ZNF232: variants seen among roughly 807,000 people sequenced by gnomAD.
ZNF232 encodes zinc finger protein 232.
In ZNF232, 25 loss-of-function variants were observed where a neutral mutation model predicts 25.2. The ratio of observed to expected loss-of-function variants is 0.99; its 90% CI spans 0.72 to 1.39. The LOEUF (loss-of-function observed/expected upper bound fraction) is 1.39. Ranked by LOEUF, ZNF232 falls within the 40% of genes most tolerant of loss-of-function variation. The probability of loss-of-function intolerance (pLI) is 0.00; values close to 1 mark genes in which losing one functional copy is unlikely to be tolerated. For missense variants in ZNF232, 519 were observed against 520.9 expected (o/e 1.00, Z 0.04); for synonymous variants, 193 against 182.9 (o/e 1.06, Z -0.45).
upstream of ZNF232, chr17:5,112,039 G>T: frequency 1.5e-6 from 1 of 679,366 alleles, no homozygotes; most frequent in Non-Finnish European, 2.4e-6. Flanking sequence ...CGCGCCGCCT[G>T]CACGACTGGA....
At chr17:5,112,446 A>G (rs1488974746), upstream of ZNF232, 2 of 151,598 alleles carry the variant, frequency 1.3e-5, no homozygotes, top group East Asian at 2.0e-4. Context: ...TGTTGTTGTT[A>G]TTTTTTATTT....
chr17:5,110,298 G>T lies in ZNF232; in HGVS notation c.24-430C>A, dbSNP rs142333178. On this transcript the variant is annotated intron_variant, in intron 1 of 3. Transcript: ENST00000575898. ...CCGCTTTTTCTTCCACCCCTCCCCA[G>T]AATTCTGCTGCACTAAGTCAATGTT... Among the ~76,000 whole-genome samples the T allele has an allele frequency of 2.2e-3, 331 of 152,214 alleles. 1 individual carries two copies. Among genetic ancestry groups the T allele is most frequent in the African/African-American group, 7.3e-3 (304 of 41,510 alleles).
At chr17:5,114,201 A>G (rs1306484702), upstream of ZNF232, 1 of 152,154 alleles carries the variant, frequency 6.6e-6, no homozygotes, top group Non-Finnish European at 1.5e-5. Context: ...ATTAGACCTG[A>G]GCTCTGATTG....
upstream of ZNF232, chr17:5,116,759 T>A (rs1264398169): frequency 6.6e-6 from 1 of 152,258 alleles, no homozygotes; most frequent in Non-Finnish European, 1.5e-5. Context: ...TTGGGCAAAT[T>A]TGCCTTTCTA....
At chr17:5,108,725 T>C (rs2072321479) in intron 3 of ZNF232, 2 of 692,192 alleles carry the variant, frequency 2.9e-6, no homozygotes, top group Admixed American at 6.3e-5. Flanking sequence ...AGAGCTATCT[T>C]ATGAGGTAGT....
chr17:5,119,883 C>T (rs755750919), intron 1 of ZNF232, among the ~76,000 whole-genome samples: 63 of 152,254 alleles, frequency 4.1e-4, no homozygotes, highest in Middle Eastern at 3.4e-3. Flanking sequence ...GATTTATCTA[C>T]GGCTGCACAG....
chr17:5,106,734 C>G (rs2072269780), intron 3 of ZNF232, among the ~76,000 whole-genome samples: 1 of 152,010 alleles, frequency 6.6e-6, no homozygotes, highest in Non-Finnish European at 1.5e-5. Context: ...TTTTTTTCCC[C>G]TAATTTCTCC....
In ZNF232 at chr17:5,109,619, A is replaced by G. The variant is rs150864883; in HGVS notation, c.273T>C (p.Pro91=). ...GTTGGCTCAAGGCCTCCCGGGGACC[A>G]GGAGTCTCCTGGTAGCGGAGATGCC... The change falls in exon 2 of 4, where the codon CCT becomes CCC. Residue 91 remains proline, a synonymous_variant. Transcript: ENST00000575898. 1.5e-3 allele frequency: 2,359 copies of G among 1,614,242 alleles called. 9 individuals are homozygous for G. The highest frequency in any genetic ancestry group is 2.4e-3 in the South Asian group (223 of 91,088).
At chr17:5,116,731 C>G (rs1420371804), upstream of ZNF232, 3 of 152,280 alleles carry the variant, frequency 2.0e-5, no homozygotes, top group Non-Finnish European at 4.4e-5. Flanking sequence ...CGTTTCTTCA[C>G]TTACTAGTTG....
At chr17:5,120,877 T>C (rs963244647) in intron 1 of ZNF232, 2 of 454,470 alleles carry the variant, frequency 4.4e-6, no homozygotes, top group African/African-American at 4.0e-5. Flanking sequence ...ATCCACAGGC[T>C]GTCCCAGTTG....
intron 1 of ZNF232, among the ~76,000 whole-genome samples, chr17:5,110,524 A>C (rs949424269): frequency 1.3e-5 from 2 of 152,244 alleles, no homozygotes; most frequent in African/African-American, 4.8e-5. Context: ...AGCAGCTTTC[A>C]GTGCAAGGTG....
chr17:5,115,287 C>G (rs995470872), upstream of ZNF232, among the ~76,000 whole-genome samples: 1 of 151,918 alleles, frequency 6.6e-6, no homozygotes, highest in South Asian at 2.1e-4. Flanking sequence ...TGTGGTGGGT[C>G]GTGCCTGTAA....
intron 1 of ZNF232, among the ~76,000 whole-genome samples, chr17:5,117,121 A>T (rs2072555524): frequency 6.6e-6 from 1 of 152,202 alleles, no homozygotes; most frequent in Non-Finnish European, 1.5e-5. Context: ...TTTATTAATG[A>T]TTCTAATTAG....
At chr17:5,109,369 T>A in intron 2 of ZNF232, 25 bp downstream of exon 2, 1 of 1,613,776 alleles carries the variant, frequency 6.2e-7, no homozygotes, top group Middle Eastern at 1.6e-4. Flanking sequence ...CTGGCTCCCA[T>A]AACAGACCAA....
At chr17:5,108,652 T>C (rs1376628184) in intron 3 of ZNF232, 1 of 348,474 alleles carries the variant, frequency 2.9e-6, no homozygotes, top group Non-Finnish European at 5.4e-6. Context: ...TAGGGCTCTC[T>C]AAAGTTAAGA....
chr17:5,112,667 T>C (rs2143638109), upstream of ZNF232, among the ~76,000 whole-genome samples: 1 of 151,786 alleles, frequency 6.6e-6, no homozygotes, highest in South Asian at 2.1e-4. Flanking sequence ...TTAGCCAGGA[T>C]GGTCTCGATC....
chr17:5,106,626 C>A lies in ZNF232; in HGVS notation c.626-120G>T, dbSNP rs529218737. On this transcript the variant is annotated intron_variant, in intron 3 of 3. Transcript: ENST00000575898. The stretch of plus-strand genomic sequence containing the variant: ...AACAACTATATATATGACAAACATT[C>A]GAAGAATATTTACTGGATATTGCCA... 129 of 1,087,472 alleles carry A rather than the reference C, an allele frequency of 1.2e-4. No homozygotes were observed. The African/African-American group carries it at 1.9e-3, about 16-fold the overall frequency. 67.4% of individuals were successfully genotyped at this position (1,087,472 alleles called of 1,614,324 possible).
At chr17:5,117,578 A>G (rs534231561) in intron 1 of ZNF232, among the ~76,000 whole-genome samples, 3 of 151,980 alleles carry the variant, frequency 2.0e-5, no homozygotes, top group Non-Finnish European at 4.4e-5. Flanking sequence ...GGGTCGCATC[A>G]GAATATATAT....
chr17:5,120,271 TGGGGGCAAGGC>T (rs1195817827), intron 1 of ZNF232, among the ~76,000 whole-genome samples: 1 of 150,478 alleles, frequency 6.6e-6, no homozygotes, highest in African/African-American at 2.5e-5. Flanking sequence ...GGGTTGGTGG[TGGGGGCAAGGC>T]AGTGGTGGGG....
Sources: gnomAD v4.1 joint callset for allele counts (sites outside exome capture counted in the v4.1 genomes callset) on GRCh38, gnomAD v4.1.1 for gene constraint, MANE v1.5 for transcripts, NCBI Gene and HGNC (gene_info 2026-07-23, HGNC 2026-07-21) for gene names.